RRAGC: variants seen among roughly 807,000 people sequenced by gnomAD.
The protein encoded by RRAGC is Ras related GTP binding C.
Under a neutral mutation model 37.1 loss-of-function variants are expected in RRAGC, and 8 were observed. That is an observed-to-expected ratio of 0.22 (90% confidence interval 0.13 to 0.39). The LOEUF (loss-of-function observed/expected upper bound fraction) is 0.39, where lower values mean the gene tolerates loss of function less well. RRAGC is among the 10% of genes least tolerant of loss of function. The pLI, the probability that RRAGC is intolerant of heterozygous loss-of-function variation, is 1.00. For synonymous variants in RRAGC, 190 were observed against 181.1 expected, an observed-to-expected ratio of 1.05 and a Z score of -0.39; for missense variants, 342 against 497.6, an observed-to-expected ratio of 0.69 and a Z score of 2.98.
At chr1:38,842,710 A>C (rs984053556) in intron 6 of RRAGC, among the ~76,000 whole-genome samples, 2 of 152,252 alleles carry the variant, frequency 1.3e-5, no homozygotes, top group African/African-American at 2.4e-5. Context: ...GGCAAACTTA[A>C]ACTTGTTCAT....
chr1:38,855,660 C>G, intron 3 of RRAGC, 48 bp downstream of exon 3: 1 of 1,421,456 alleles, frequency 7.0e-7, no homozygotes, highest in East Asian at 2.3e-5. Flanking sequence ...GATGGGAATA[C>G]ATTTACACCT....
chr1:38,841,721 C>T (rs1641965094), intron 6 of RRAGC, among the ~76,000 whole-genome samples: 1 of 151,850 alleles, frequency 6.6e-6, no homozygotes, highest in African/African-American at 2.4e-5. Flanking sequence ...AAGTGATGCA[C>T]ACCTGTAATC....
At chr1:38,842,144 C>T (rs1021626403) in intron 6 of RRAGC, among the ~76,000 whole-genome samples, 2 of 152,050 alleles carry the variant, frequency 1.3e-5, no homozygotes, top group African/African-American at 2.4e-5. Context: ...TGCAGGCGGG[C>T]GCCTGTAGTC....
chr1:38,850,482 C>A (rs1283841714), intron 5 of RRAGC, among the ~76,000 whole-genome samples: 3 of 151,748 alleles, frequency 2.0e-5, no homozygotes, highest in Non-Finnish European at 2.9e-5. Context: ...CCACCACACT[C>A]CAGCCTGGGC....
intron 3 of RRAGC, among the ~76,000 whole-genome samples, chr1:38,854,879 T>A (rs1401518990): frequency 6.6e-6 from 1 of 152,166 alleles, no homozygotes; most frequent in Non-Finnish European, 1.5e-5. Context: ...TCTCTCCCCT[T>A]CTCCCTCTTT....
intron 1 of RRAGC, among the ~76,000 whole-genome samples, chr1:38,858,241 C>G (rs1642191367): frequency 6.6e-6 from 1 of 151,966 alleles, no homozygotes; most frequent in African/African-American, 2.4e-5. Context: ...ATCACAGATT[C>G]AGAAAGAAAA....
chr1:38,848,002 C>G (rs1642048625), intron 5 of RRAGC: 1 of 143,678 alleles, frequency 7.0e-6, no homozygotes, highest in Non-Finnish European at 1.5e-5. Context: ...TTCACTACTG[C>G]ACTCCAGCTT....
At chr1:38,840,362 G>A (rs1641949080) in intron 6 of RRAGC, among the ~76,000 whole-genome samples, 1 of 152,110 alleles carries the variant, frequency 6.6e-6, no homozygotes, top group East Asian at 1.9e-4. Flanking sequence ...TCTTTCAATA[G>A]TTTATATTTG....
chr1:38,846,693 C>G (rs971473703), intron 5 of RRAGC: 1 of 152,130 alleles, frequency 6.6e-6, no homozygotes, highest in African/African-American at 2.4e-5. Flanking sequence ...TTCTGATGTA[C>G]TTGCCTATAA....
At chr1:38,848,569 AAT>A (rs139349817) in intron 5 of RRAGC, among the ~76,000 whole-genome samples, 1,892 of 152,346 alleles carry the variant, frequency 0.012, 58 homozygotes, top group African/African-American at 0.044. Flanking sequence ...TAAGAATAAA[AAT>A]ATGTTAATGA....
chr1:38,854,058 TAA>T (rs1397224989), intron 3 of RRAGC, among the ~76,000 whole-genome samples: 1 of 135,246 alleles, frequency 7.4e-6, no homozygotes, highest in East Asian at 2.2e-4. Context: ...TAGTACTAAA[TAA>T]AAGTCTTTTT....
At chr1:38,858,033 T>G (rs938510281) in intron 1 of RRAGC, among the ~76,000 whole-genome samples, 3 of 152,190 alleles carry the variant, frequency 2.0e-5, no homozygotes, top group African/African-American at 7.2e-5. Flanking sequence ...TGCCTCTTAC[T>G]GTCTAGAAGA....
chr1:38,845,108 A>G (rs1642012162), intron 6 of RRAGC, among the ~76,000 whole-genome samples: 1 of 152,226 alleles, frequency 6.6e-6, no homozygotes. Context: ...CATTTGACTC[A>G]GCAATCCTGT....
intron 2 of RRAGC, 92 bp downstream of exon 2, chr1:38,856,787 C>T: frequency 4.8e-6 from 6 of 1,258,062 alleles, no homozygotes; most frequent in Admixed American, 1.8e-5. Context: ...AAGAGATAAG[C>T]TGCAACCACA....
intron 1 of RRAGC, among the ~76,000 whole-genome samples, chr1:38,857,796 C>G (rs986046233): frequency 1.3e-5 from 2 of 152,144 alleles, no homozygotes; most frequent in African/African-American, 4.8e-5. Flanking sequence ...CCCATCCCCA[C>G]TAAAAATACC....
intron 3 of RRAGC, among the ~76,000 whole-genome samples, chr1:38,853,929 C>A (rs1642133774): frequency 6.6e-6 from 1 of 152,046 alleles, no homozygotes; most frequent in Non-Finnish European, 1.5e-5. Flanking sequence ...GAAAGAATGT[C>A]CCGCACCTTT....
In RRAGC at chr1:38,838,753, T is replaced by C. The variant is rs1416286794; in HGVS notation, c.*800A>G. On this transcript the variant is annotated 3_prime_UTR_variant, in exon 7 of 7. Transcript: ENST00000373001. ...TATCAAGATTAAAGTAAGCTAAACA[T>C]TTCAGTGACACAATGAGTTTCTCCC... The C allele has an allele frequency of 6.6e-6, 1 of 152,222 alleles. No individual in the cohort carries two copies. The highest frequency in any genetic ancestry group is 6.5e-5 in the Admixed American group (1 of 15,286). 9.4% of individuals were successfully genotyped at this position (152,222 alleles called of 1,614,324 possible). A position where few individuals can be genotyped will look rare whatever the true frequency, so the allele number is the denominator to read the frequency against.
At position 38,859,748 on chromosome 1, in the gene RRAGC, CCGCCCCCGG is replaced by C; in HGVS notation, c.-111_-103del. ...TCCGCCGCCGCCGCCACCACCGCCACCGCCCCCGGCAGCCGCCACAGTCCGGCCCGCCCC... is the reference window on the plus strand; with the variant it reads ...TCCGCCGCCGCCGCCACCACCGCCACCAGCCGCCACAGTCCGGCCCGCCCC... On this transcript the variant is annotated 5_prime_UTR_variant, in exon 1 of 7. Transcript: ENST00000373001. 9.6e-7 allele frequency: 1 copy of C among 1,038,240 alleles called. No individual in the cohort carries two copies. Among genetic ancestry groups the C allele is most frequent in the South Asian group, 4.5e-5 (1 of 22,226 alleles). 64.3% of individuals were successfully genotyped at this position (1,038,240 alleles called of 1,614,324 possible). A position where few individuals can be genotyped will look rare whatever the true frequency, so the allele number is the denominator to read the frequency against.
Position 38,839,583 on chromosome 1 carries a change from T to G in RRAGC, c.1170A>C (p.Thr390=). Residue 390 remains threonine, a synonymous_variant, in exon 7 of 7, where the codon ACA becomes ACC. Coordinates refer to ENST00000373001, the MANE Select transcript of RRAGC (RefSeq NM_022157.4). Reference sequence around the variant, plus strand: ...TGGCGTTTCGTGGCGTGCCATTGTGTGTCAGCGCTTTCAGACTGGAGGCAC... The same window carrying G: ...TGGCGTTTCGTGGCGTGCCATTGTGGGTCAGCGCTTTCAGACTGGAGGCAC... The part of the protein sequence containing the change: ...QTSASSLKAL[T]HNGTPRNAI 6.2e-7 allele frequency: 1 copy of G among 1,614,156 alleles called. No homozygotes were observed. The highest frequency in any genetic ancestry group is 8.5e-7 in the Non-Finnish European group (1 of 1,180,038).
Sources: gnomAD v4.1 joint callset for allele counts (sites outside exome capture counted in the v4.1 genomes callset) on GRCh38, gnomAD v4.1.1 for gene constraint, MANE v1.5 for transcripts, NCBI Gene and HGNC (gene_info 2026-07-23, HGNC 2026-07-21) for gene names.